TTLL7: variants seen among roughly 807,000 people sequenced by gnomAD.
TTLL7 encodes the protein tubulin polyglutamylase TTLL7.
TTLL7 carries 53 observed loss-of-function variants against 120.2 expected under a neutral mutation model. The ratio of observed to expected loss-of-function variants is 0.44; its 90% CI spans 0.35 to 0.55. TTLL7 has a LOEUF of 0.55. Among genes scored for constraint, TTLL7 ranks in the 20% least tolerant of loss-of-function variants. TTLL7 has a pLI of 0.00. For synonymous variants in TTLL7, 353 were observed against 351.7 expected, an observed-to-expected ratio of 1.00 and a Z score of -0.04; for missense variants, 803 against 1,054.7, an observed-to-expected ratio of 0.76 and a Z score of 3.31.
intron 14 of TTLL7, among the ~76,000 whole-genome samples, chr1:83,915,891 T>G (rs1350580550): frequency 6.6e-6 from 1 of 151,966 alleles, no homozygotes; most frequent in Non-Finnish European, 1.5e-5. Context: ...CATGAAAAAA[T>G]GCTCATCATC....
At chr1:83,871,661 C>A (rs559616520) in intron 20 of TTLL7, among the ~76,000 whole-genome samples, 1 of 151,640 alleles carries the variant, frequency 6.6e-6, no homozygotes, top group South Asian at 2.1e-4. Context: ...TTTGGGAGGC[C>A]GAGACGGGCG....
chr1:83,921,496 A>G, intron 10 of TTLL7, 102 bp from the exon 11 acceptor site: 1 of 1,252,982 alleles, frequency 8.0e-7, no homozygotes, highest in South Asian at 1.5e-5. Context: ...GAAGCTCAGA[A>G]TCAATGTTTA....
intron 1 of TTLL7, 106 bp downstream of exon 1, chr1:83,998,825 G>T: frequency 3.1e-6 from 1 of 323,920 alleles, no homozygotes; most frequent in Non-Finnish European, 6.1e-6. Context: ...CCCCAGAGCA[G>T]TGACAGTCCG....
At chr1:83,939,783 T>C (rs889883921) in intron 7 of TTLL7, among the ~76,000 whole-genome samples, 15 of 152,162 alleles carry the variant, frequency 9.9e-5, no homozygotes, top group Non-Finnish European at 1.8e-4. Flanking sequence ...TTAATTCTTA[T>C]AGAAATAATA....
At chr1:83,915,687 C>G (rs1377056935) in intron 14 of TTLL7, among the ~76,000 whole-genome samples, 3 of 151,964 alleles carry the variant, frequency 2.0e-5, no homozygotes, top group Admixed American at 2.0e-4. Context: ...AAAGAAACTA[C>G]TATCAGAGTG....
intron 18 of TTLL7, among the ~76,000 whole-genome samples, chr1:83,893,198 C>A (rs1655928198): frequency 6.6e-6 from 1 of 151,818 alleles, no homozygotes; most frequent in African/African-American, 2.4e-5. Context: ...TAAATAAAAG[C>A]AGGCCATGCA....
intron 1 of TTLL7, among the ~76,000 whole-genome samples, chr1:83,988,900 G>A (rs1361619645): frequency 6.6e-6 from 1 of 152,060 alleles, no homozygotes; most frequent in Non-Finnish European, 1.5e-5. Flanking sequence ...AGTAGAGACG[G>A]GGTTTCACCA....
intron 19 of TTLL7, among the ~76,000 whole-genome samples, chr1:83,884,492 CA>C (rs1557539846): frequency 2.4e-4 from 36 of 151,780 alleles, no homozygotes; most frequent in Middle Eastern, 3.4e-3. Context: ...CCCAAATAGA[CA>C]GCATGCCATC....
intron 10 of TTLL7, among the ~76,000 whole-genome samples, chr1:83,925,928 C>T (rs1345935154): frequency 1.3e-5 from 2 of 151,984 alleles, no homozygotes; most frequent in East Asian, 3.9e-4. Context: ...CAAGACCAGC[C>T]TGCTCAACAT....
intron 20 of TTLL7, among the ~76,000 whole-genome samples, chr1:83,872,363 C>T (rs941830771): frequency 6.6e-6 from 1 of 152,114 alleles, no homozygotes. Flanking sequence ...TAAGATCACT[C>T]GGTTACTTTA....
Position 83,995,380 on chromosome 1 carries a change from C to T in TTLL7, c.-177+3551G>A, listed in dbSNP as rs537829503. 1.4e-4 allele frequency among the ~76,000 whole-genome samples: 21 copies of T among 151,538 alleles called. No individual in the cohort carries two copies. In the South Asian group the frequency reaches 1.5e-3, roughly 11 times the overall value. On this transcript the variant is annotated intron_variant, in intron 1 of 20. Transcript: ENST00000260505. ...ATCCATCATGAATGGCTTAATGCAT[C>T]CCTTTGGCGGTAAGTGAGCGCTCAC...
intron 10 of TTLL7, among the ~76,000 whole-genome samples, chr1:83,922,084 T>C (rs896692285): frequency 3.9e-5 from 6 of 152,106 alleles, no homozygotes; most frequent in Non-Finnish European, 5.9e-5. Context: ...CCTGAGGATT[T>C]TTCTCTCCAA....
At chr1:83,931,478 C>T (rs1000031122) in intron 9 of TTLL7, among the ~76,000 whole-genome samples, 5 of 151,702 alleles carry the variant, frequency 3.3e-5, no homozygotes, top group Non-Finnish European at 5.9e-5. Context: ...TTCTTTTTAA[C>T]TCTCCGATAC....
chr1:83,939,251 A>G (rs758019880), intron 7 of TTLL7, among the ~76,000 whole-genome samples: 6 of 152,188 alleles, frequency 3.9e-5, no homozygotes, highest in Non-Finnish European at 7.4e-5. Flanking sequence ...TTAAAGAAAA[A>G]GGAAATTAAT....
chr1:83,955,949 T>C (rs1649470772), intron 1 of TTLL7, among the ~76,000 whole-genome samples: 1 of 152,142 alleles, frequency 6.6e-6, no homozygotes, highest in Non-Finnish European at 1.5e-5. Flanking sequence ...TGCAGTGAGC[T>C]GTGTTCATGC....
intron 1 of TTLL7, among the ~76,000 whole-genome samples, chr1:83,990,094 CAG>C (rs984813811): frequency 2.0e-5 from 3 of 150,910 alleles, no homozygotes; most frequent in African/African-American, 7.3e-5. Flanking sequence ...GGCTTTTTGG[CAG>C]AGTCTTTAGG....
intron 1 of TTLL7, among the ~76,000 whole-genome samples, chr1:83,960,607 G>A (rs768509647): frequency 2.6e-5 from 4 of 152,090 alleles, no homozygotes; most frequent in Non-Finnish European, 5.9e-5. Context: ...TTTGCAATAA[G>A]GGTGGATGAA....
At chr1:83,898,661 T>C (rs2100747287) in intron 18 of TTLL7, among the ~76,000 whole-genome samples, 1 of 152,098 alleles carries the variant, frequency 6.6e-6, no homozygotes, top group East Asian at 1.9e-4. Flanking sequence ...TCAGTCACTG[T>C]CTGATCACTT....
intron 10 of TTLL7, among the ~76,000 whole-genome samples, chr1:83,924,465 A>G (rs1658940561): frequency 6.6e-6 from 1 of 152,226 alleles, no homozygotes; most frequent in Admixed American, 6.5e-5. Context: ...AGCCAGTAAC[A>G]AAGGGACAAA....
Sources: allele counts gnomAD v4.1 joint callset (sites outside exome capture counted in the v4.1 genomes callset), GRCh38; gene constraint gnomAD v4.1.1; transcripts MANE v1.5; gene names NCBI Gene and HGNC (gene_info 2026-07-23, HGNC 2026-07-21).